Variants in PPP1R21 observed in about 807,000 individuals in gnomAD.
PPP1R21 encodes the protein protein phosphatase 1 regulatory subunit 21, also known as KLRAQ motif containing 1.
PPP1R21 carries 85 observed loss-of-function variants against 112.8 expected under a neutral mutation model. The ratio of observed to expected loss-of-function variants is 0.75; its 90% CI spans 0.63 to 0.90. The LOEUF (loss-of-function observed/expected upper bound fraction) is 0.90. PPP1R21 is among the 40% of genes least tolerant of loss of function. PPP1R21 has a pLI of 0.00. For missense variants in PPP1R21, 1,199 were observed against 901.5 expected, an observed-to-expected ratio of 1.33 and a Z score of -4.23; for synonymous variants, 381 against 322.3, an observed-to-expected ratio of 1.18 and a Z score of -1.95.
In PPP1R21 at chr2:48,465,601, G is replaced by C; in HGVS notation, c.856G>C (p.Val286Leu). Residue 286 changes from valine (V) to leucine (L), a missense_variant, in exon 9 of 22, where the codon GTT (valine) becomes CTT (leucine). By Grantham distance (32) the Val-to-Leu change is conservative. Coordinates refer to ENST00000294952, the MANE Select transcript of PPP1R21 (RefSeq NM_001135629.3). ...AGAACAGAGGATTCAAATTTTTCCT[G>C]TTGATTCTGCCATTGACACTATATC... The part of the protein sequence containing the change: ...YTEQRIQIFP[V>L]DSAIDTISPL... The C allele has an allele frequency of 2.5e-6, 4 of 1,613,680 alleles. No homozygotes were observed. The East Asian group carries it at 6.7e-5, about 27-fold the overall frequency.
At chr2:48,490,811 G>C (rs111517076) in intron 14 of PPP1R21, among the ~76,000 whole-genome samples, 1 of 152,230 alleles carries the variant, frequency 6.6e-6, no homozygotes, top group South Asian at 2.1e-4. Flanking sequence ...AATTTGTTCT[G>C]ACTATTTATA....
chr2:48,446,982 C>G (rs995195224), intron 1 of PPP1R21, among the ~76,000 whole-genome samples: 3 of 152,118 alleles, frequency 2.0e-5, no homozygotes, highest in African/African-American at 4.8e-5. Flanking sequence ...AACTCCTGAC[C>G]TCAGGTGATC....
Position 48,495,625 on chromosome 2 carries a change from G to A in PPP1R21, c.1600-54G>A, listed in dbSNP as rs189702153. Reference sequence around the variant, plus strand: ...GCATTCTTTGTGTATGTTGGATGCAGGGGAGGGGTGATACAATATTTTTTC... The same window carrying A: ...GCATTCTTTGTGTATGTTGGATGCAAGGGAGGGGTGATACAATATTTTTTC... On this transcript the variant is annotated intron_variant, in intron 15 of 21. Coordinates refer to ENST00000294952, the MANE Select transcript of PPP1R21 (RefSeq NM_001135629.3). The A allele has an allele frequency of 3.2e-6, 3 of 938,022 alleles. No homozygotes were observed. The African/African-American group carries it at 4.8e-5, about 15-fold the overall frequency. 58.1% of individuals were successfully genotyped at this position (938,022 alleles called of 1,614,324 possible). A position where few individuals can be genotyped will look rare whatever the true frequency, so the allele number is the denominator to read the frequency against.
In PPP1R21 at chr2:48,515,216, TTCTCTCTCTCTCTC is replaced by T. The variant is rs10530147; in HGVS notation, c.*490_*503del. The T allele has an allele frequency of 7.3e-6, 1 of 136,890 alleles. No homozygotes were observed. Among genetic ancestry groups the T allele is most frequent in the African/African-American group, 2.8e-5 (1 of 35,424 alleles). 8.5% of individuals were successfully genotyped at this position (136,890 alleles called of 1,614,324 possible). On this transcript the variant is annotated 3_prime_UTR_variant, in exon 22 of 22. Transcript: ENST00000294952. ...TTCTTTTTAAAAGATTTGTTCATATTTCTCTCTCTCTCTCTCTCTCTCTCTCTCTCTTCTTTCTC... is the reference window on the plus strand; with the variant it reads ...TTCTTTTTAAAAGATTTGTTCATATTTCTCTCTCTCTCTCTCTTCTTTCTC...
chr2:48,508,071 C>G (rs1670470786), intron 19 of PPP1R21, among the ~76,000 whole-genome samples: 1 of 148,986 alleles, frequency 6.7e-6, no homozygotes, highest in Non-Finnish European at 1.5e-5. Flanking sequence ...AGCCACAACT[C>G]TGCCTTTAAA....
chr2:48,491,508 C>CT (rs1669562095), intron 15 of PPP1R21, among the ~76,000 whole-genome samples: 1 of 149,370 alleles, frequency 6.7e-6, no homozygotes, highest in East Asian at 1.9e-4. Context: ...ATGTGTATGA[C>CT]TTTTTTCTGA....
chr2:48,456,073 A>G (rs1349567409), intron 3 of PPP1R21, among the ~76,000 whole-genome samples: 1 of 150,534 alleles, frequency 6.6e-6, no homozygotes, highest in Non-Finnish European at 1.5e-5. Context: ...TAGGTTTGTA[A>G]GTTTACTGCA....
At chr2:48,472,927 C>A in intron 11 of PPP1R21, among the ~76,000 whole-genome samples, 1 of 143,646 alleles carries the variant, frequency 7.0e-6, no homozygotes, top group Non-Finnish European at 1.5e-5. Context: ...GATAGAGTCC[C>A]TGCCTCTTAA....
At chr2:48,467,671 T>C (rs1276293277) in intron 9 of PPP1R21, among the ~76,000 whole-genome samples, 1 of 152,202 alleles carries the variant, frequency 6.6e-6, no homozygotes, top group Non-Finnish European at 1.5e-5. Context: ...AAGAGCAAGG[T>C]GGAAGCCACA....
rs561397935 is a variant in PPP1R21 at position 48,505,498 on chromosome 2, C to G, written c.1936-66C>G. On this transcript the variant is annotated intron_variant, in intron 17 of 21. Coordinates refer to ENST00000294952, the MANE Select transcript of PPP1R21 (RefSeq NM_001135629.3). ...AACGGAGAGGAGAAAATATTAAAAG[C>G]GTTTGATCTATTGTGCTTGAAATGT... The G allele has an allele frequency of 7.7e-6, 9 of 1,169,024 alleles. No individual in the cohort carries two copies. The African/African-American group carries it at 1.4e-4, about 18-fold the overall frequency. 72.4% of individuals were successfully genotyped at this position (1,169,024 alleles called of 1,614,324 possible).
At chr2:48,442,894 C>G (rs1271121837) in intron 1 of PPP1R21, among the ~76,000 whole-genome samples, 4 of 151,912 alleles carry the variant, frequency 2.6e-5, no homozygotes, top group Non-Finnish European at 5.9e-5. Flanking sequence ...GGAGAGATGC[C>G]AAAGGTTAAG....
chr2:48,454,571 C>T (rs771887167), intron 2 of PPP1R21, 24 bp from the exon 3 acceptor site: 1 of 1,613,554 alleles, frequency 6.2e-7, no homozygotes, highest in South Asian at 1.1e-5. Context: ...CTGTGAGGAC[C>T]AATCTGTTTT....
rs542510967 is a variant in PPP1R21, at chr2:48,440,807, G to A, written c.-147G>A. On this transcript the variant is annotated 5_prime_UTR_variant, in exon 1 of 22. Transcript: ENST00000294952. ...ACCCCGGGAACCCGGAAGTGGAGGA[G>A]GAGGCGCGGCGGCGGCGGCGGCGGC... is the stretch of plus-strand genomic sequence containing the variant. 15 of 648,672 alleles carry A rather than the reference G, an allele frequency of 2.3e-5. No individual in the cohort carries two copies. The South Asian group carries it at 2.5e-4, about 11-fold the overall frequency. 40.2% of individuals were successfully genotyped at this position (648,672 alleles called of 1,614,324 possible). A position where few individuals can be genotyped will look rare whatever the true frequency, so the allele number is the denominator to read the frequency against.
At chr2:48,495,277 C>A (rs1037141842) in intron 15 of PPP1R21, among the ~76,000 whole-genome samples, 1 of 152,092 alleles carries the variant, frequency 6.6e-6, no homozygotes, top group African/African-American at 2.4e-5. Flanking sequence ...AATCTCTGCT[C>A]ACTGCAACCT....
intron 2 of PPP1R21, among the ~76,000 whole-genome samples, chr2:48,452,457 A>G (rs1378484645): frequency 6.6e-6 from 1 of 152,042 alleles, no homozygotes; most frequent in Non-Finnish European, 1.5e-5. Context: ...TCTGAAATTA[A>G]TGATTGGTTA....
At chr2:48,473,577 G>A (rs965565230) in intron 11 of PPP1R21, among the ~76,000 whole-genome samples, 2 of 152,152 alleles carry the variant, frequency 1.3e-5, no homozygotes, top group African/African-American at 4.8e-5. Context: ...AATTTTGGGG[G>A]CATTGGTTTA....
chr2:48,506,217 G>A (rs1572898147), intron 18 of PPP1R21, among the ~76,000 whole-genome samples: 1 of 152,192 alleles, frequency 6.6e-6, no homozygotes, highest in South Asian at 2.1e-4. Flanking sequence ...CCTGAGCCTC[G>A]CAGGTAGCTG....
Position 48,440,816 on chromosome 2 carries a change from G to A in PPP1R21, c.-138G>A. The A allele has an allele frequency of 1.6e-6, 1 of 613,186 alleles. No individual in the cohort carries two copies. Among genetic ancestry groups the A allele is most frequent in the Non-Finnish European group, 2.9e-6 (1 of 346,524 alleles). The allele number at this position is 613,186 out of a possible 1,614,324, so 38.0% of individuals were successfully genotyped here. On this transcript the variant is annotated 5_prime_UTR_variant, in exon 1 of 22. Transcript: ENST00000294952. Reference sequence around the variant, plus strand: ...ACCCGGAAGTGGAGGAGGAGGCGCGGCGGCGGCGGCGGCGGCGGCTGCGGT... The same window carrying A: ...ACCCGGAAGTGGAGGAGGAGGCGCGACGGCGGCGGCGGCGGCGGCTGCGGT...
intron 1 of PPP1R21, among the ~76,000 whole-genome samples, chr2:48,447,881 T>C (rs1422389564): frequency 6.6e-6 from 1 of 151,650 alleles, no homozygotes; most frequent in Non-Finnish European, 1.5e-5. Flanking sequence ...ACCCGAGAGG[T>C]GGAGGCTGCA....
Sources: allele counts gnomAD v4.1 joint callset (sites outside exome capture counted in the v4.1 genomes callset), GRCh38; gene constraint gnomAD v4.1.1; transcripts MANE v1.5; gene names NCBI Gene and HGNC (gene_info 2026-07-23, HGNC 2026-07-21).